Variants in GREB1L observed in about 807,000 individuals in gnomAD.
GREB1L encodes GREB1 like retinoic acid receptor coactivator, also known as GREB1-like protein.
In GREB1L, 17 loss-of-function variants were observed where a neutral mutation model predicts 200.8. The observed-to-expected ratio is 0.08, with a 90% CI of 0.06 to 0.13. GREB1L has a LOEUF of 0.13. GREB1L is among the 10% of genes least tolerant of loss of function. The pLI is 1.00. For missense variants in GREB1L, 1,657 were observed against 2,367.7 expected (o/e 0.70, Z 6.23); for synonymous variants, 789 against 893.0 (o/e 0.88, Z 2.08).
At chr18:21,370,551 T>A (rs1384859449) in intron 2 of GREB1L, among the ~76,000 whole-genome samples, 1 of 152,176 alleles carries the variant, frequency 6.6e-6, no homozygotes, top group African/African-American at 2.4e-5. Flanking sequence ...AACAAATAAT[T>A]TTGTTATACA....
In GREB1L at chr18:21,505,695, G is replaced by A. The variant is rs915050568; in HGVS notation, c.4229-115G>A. On this transcript the variant is annotated intron_variant, in intron 24 of 32. Coordinates refer to ENST00000424526, the MANE Select transcript of GREB1L (RefSeq NM_001142966.3). ...TTAAATTTTCATAACTGTTTCTTAG[G>A]GCATAAATTACAGAATACATGGAAA... The A allele has an allele frequency of 3.5e-5, 49 of 1,404,418 alleles. No individual in the cohort carries two copies. The African/African-American group carries it at 7.1e-4, about 20-fold the overall frequency. 87.0% of individuals were successfully genotyped at this position (1,404,418 alleles called of 1,614,324 possible).
chr18:21,295,874 A>C (rs1305755111), intron 1 of GREB1L, among the ~76,000 whole-genome samples: 1 of 152,184 alleles, frequency 6.6e-6, no homozygotes, highest in Non-Finnish European at 1.5e-5. Flanking sequence ...GCACATGAAA[A>C]TCACCTGCGG....
At chr18:21,327,112 A>G (rs1401984126) in intron 1 of GREB1L, among the ~76,000 whole-genome samples, 1 of 152,240 alleles carries the variant, frequency 6.6e-6, no homozygotes, top group Non-Finnish European at 1.5e-5. Flanking sequence ...ATAGCTTACT[A>G]CAAACAAATT....
intron 7 of GREB1L, among the ~76,000 whole-genome samples, chr18:21,408,563 G>A (rs906885826): frequency 3.1e-4 from 47 of 152,068 alleles, no homozygotes; most frequent in Middle Eastern, 3.2e-3. Context: ...GGGAGGCCGA[G>A]GCAGGTGGAT....
At chr18:21,395,958 G>A (rs969205392) in intron 5 of GREB1L, among the ~76,000 whole-genome samples, 1 of 151,764 alleles carries the variant, frequency 6.6e-6, no homozygotes, top group African/African-American at 2.4e-5. Flanking sequence ...TTAAACCCCT[G>A]ACCTCGTGAT....
intron 19 of GREB1L, among the ~76,000 whole-genome samples, chr18:21,490,913 G>A (rs1212950340): frequency 6.6e-6 from 1 of 152,084 alleles, no homozygotes; most frequent in Non-Finnish European, 1.5e-5. Context: ...CAAGGCTTTG[G>A]CTGGACTGAG....
chr18:21,509,934 C>T (rs144789578), intron 27 of GREB1L, among the ~76,000 whole-genome samples: 49 of 152,088 alleles, frequency 3.2e-4, no homozygotes, highest in African/African-American at 1.2e-3. Context: ...TGGCCGGGTG[C>T]GGTAGCTTAC....
rs548426451 is a variant in GREB1L, at chr18:21,430,489, TTTC to T, written c.833-9023_833-9021del. Among the ~76,000 whole-genome samples the T allele has an allele frequency of 2.4e-3, 365 of 151,820 alleles. 2 individuals are homozygous for T. The highest frequency in any genetic ancestry group is 8.2e-3 in the African/African-American group (341 of 41,488). ...TGTTGCTGTCGATTGTCTTTATTCC[TTTC>T]TTCTTCTTTCTTTGGGTTTAGTTTT... On this transcript the variant is annotated intron_variant, in intron 7 of 32. Transcript: ENST00000424526.
chr18:21,278,772 A>G (rs1446738348), intron 1 of GREB1L, among the ~76,000 whole-genome samples: 1 of 152,222 alleles, frequency 6.6e-6, no homozygotes, highest in Non-Finnish European at 1.5e-5. Flanking sequence ...AAAGATATGT[A>G]TGCCAAACTC....
In GREB1L at chr18:21,395,539, T is replaced by A. The variant is rs757376952; in HGVS notation, c.510T>A (p.Asp170Glu). The A allele has an allele frequency of 2.3e-5, 36 of 1,548,502 alleles. No individual in the cohort carries two copies. The Admixed American group carries it at 7.0e-4, about 30-fold the overall frequency. ...CAVDKRFLPD[D>E]HGKNALLGFS... ...TGGACAAGCGATTTCTACCAGATGATCATGGAAAAAATGCACTTTTAGGTG... is the reference window on the plus strand; with the variant it reads ...TGGACAAGCGATTTCTACCAGATGAACATGGAAAAAATGCACTTTTAGGTG... Residue 170 changes from aspartate to glutamate, a missense_variant, in exon 5 of 33, where the codon GAT becomes GAA. Asp to Glu is a conservative substitution (Grantham distance 45, BLOSUM62 2). This residue lies in a region of GREB1L where 70 missense variants were observed against 151.3 expected (regional missense o/e 0.46). Transcript: ENST00000424526.
At chr18:21,430,581 C>CTT (rs147151717) in intron 7 of GREB1L, among the ~76,000 whole-genome samples, 4 of 60,214 alleles carry the variant, frequency 6.6e-5, no homozygotes, top group Admixed American at 4.3e-4. Flanking sequence ...GATTTGGGAT[C>CTT]TTTTTTTTTT....
At chr18:21,497,517 G>A (rs2036591503) in intron 21 of GREB1L, among the ~76,000 whole-genome samples, 2 of 151,812 alleles carry the variant, frequency 1.3e-5, no homozygotes, top group Admixed American at 6.6e-5. Flanking sequence ...GGTGGCGGGC[G>A]CCTGTAGTCC....
chr18:21,381,424 A>G (rs1251239408), intron 2 of GREB1L, among the ~76,000 whole-genome samples: 4 of 152,122 alleles, frequency 2.6e-5, no homozygotes, highest in African/African-American at 4.8e-5. Flanking sequence ...AGAAAAAAAA[A>G]AAAAAGATTA....
At chr18:21,461,244 C>G (rs186971133) in intron 15 of GREB1L, among the ~76,000 whole-genome samples, 25 of 152,264 alleles carry the variant, frequency 1.6e-4, no homozygotes, top group Admixed American at 1.4e-3. Flanking sequence ...CGCCTCACCC[C>G]AGATAGAGTT....
At chr18:21,302,726 T>G (rs1019183368) in intron 1 of GREB1L, among the ~76,000 whole-genome samples, 1 of 152,036 alleles carries the variant, frequency 6.6e-6, no homozygotes, top group African/African-American at 2.4e-5. Context: ...AATGTTTGTT[T>G]GTTTGTTTGT....
At chr18:21,489,981 C>A in intron 18 of GREB1L, 31 bp from the exon 19 acceptor site, 1 of 1,511,580 alleles carries the variant, frequency 6.6e-7, no homozygotes, top group Non-Finnish European at 9.0e-7. Context: ...GCCCTGCTGC[C>A]TGAGTGCTAG....
chr18:21,247,305 A>G (rs1049547601), intron 1 of GREB1L, among the ~76,000 whole-genome samples: 2 of 152,178 alleles, frequency 1.3e-5, no homozygotes, highest in Admixed American at 6.5e-5. Context: ...GTGGTTTCAG[A>G]TTTTATTTTT....
chr18:21,325,475 T>C (rs1362822040), intron 1 of GREB1L, among the ~76,000 whole-genome samples: 2 of 152,138 alleles, frequency 1.3e-5, no homozygotes, highest in Non-Finnish European at 2.9e-5. Context: ...TGCTGACTTG[T>C]TGTGAAGGTA....
At chr18:21,338,419 G>A (rs1357454083) in intron 1 of GREB1L, among the ~76,000 whole-genome samples, 1 of 152,234 alleles carries the variant, frequency 6.6e-6, no homozygotes. Context: ...TTTCTATTTT[G>A]TTATATTCAG....
Sources: gnomAD v4.1 joint callset for allele counts (sites outside exome capture counted in the v4.1 genomes callset) on GRCh38, gnomAD v4.1.1 for gene constraint, gnomAD v4.1.1 regional missense constraint, MANE v1.5 for transcripts, NCBI Gene and HGNC (gene_info 2026-07-23, HGNC 2026-07-21) for gene names.